GLI3: variants seen among roughly 807,000 people sequenced by gnomAD.
The protein encoded by GLI3 is GLI family zinc finger 3, also known as transcription activator GLI3.
In GLI3, 20 loss-of-function variants were observed where a neutral mutation model predicts 100.8. The ratio of observed to expected loss-of-function variants is 0.20; its 90% CI spans 0.14 to 0.29. The LOEUF (loss-of-function observed/expected upper bound fraction) is 0.29, where lower values mean the gene tolerates loss of function less well. Among genes scored for constraint, GLI3 ranks in the 10% least tolerant of loss-of-function variants. The pLI is 1.00. For missense variants in GLI3, 2,040 were observed against 2,128.5 expected (o/e 0.96, Z 0.82); for synonymous variants, 938 against 860.5 (o/e 1.09, Z -1.58).
chr7:42,146,704 A>T (rs1474148256), intron 3 of GLI3, among the ~76,000 whole-genome samples: 3 of 152,218 alleles, frequency 2.0e-5, no homozygotes, highest in African/African-American at 7.2e-5. Context: ...GGGGTCTATA[A>T]ATACAGGTAG....
chr7:42,263,389 T>C (rs1346214341), intron 1 of GLI3, among the ~76,000 whole-genome samples: 1 of 152,188 alleles, frequency 6.6e-6, no homozygotes, highest in Admixed American at 6.5e-5. Flanking sequence ...GGTCAATGTG[T>C]ACATTCTTGC....
intron 3 of GLI3, among the ~76,000 whole-genome samples, chr7:42,117,444 G>T (rs1785887918): frequency 6.6e-6 from 1 of 152,148 alleles, no homozygotes; most frequent in African/African-American, 2.4e-5. Flanking sequence ...GAACAGTTTT[G>T]AGAATGACAA....
At chr7:42,049,537 C>T (rs1416251483) in intron 4 of GLI3, among the ~76,000 whole-genome samples, 2 of 152,110 alleles carry the variant, frequency 1.3e-5, no homozygotes, top group African/African-American at 4.8e-5. Flanking sequence ...GCCCTTGCGT[C>T]GGTTATAATG....
chr7:42,149,252 T>C (rs1443685978), intron 2 of GLI3, among the ~76,000 whole-genome samples: 1 of 152,206 alleles, frequency 6.6e-6, no homozygotes, highest in African/African-American at 2.4e-5. Flanking sequence ...GGGATGTTGA[T>C]ATGTGTCCAT....
intron 3 of GLI3, chr7:42,113,307 C>T (rs1434506353): frequency 1.5e-5 from 9 of 606,558 alleles, no homozygotes; most frequent in Non-Finnish European, 2.8e-5. Flanking sequence ...CCGACCAAAG[C>T]CCGCACACCA....
Position 41,965,478 on chromosome 7 carries a change from C to T in GLI3, c.3595G>A (p.Val1199Ile), listed in dbSNP as rs1645389605. 3.1e-6 allele frequency: 5 copies of T among 1,608,996 alleles called. No homozygotes were observed. The highest frequency in any genetic ancestry group is 4.2e-6 in the Non-Finnish European group (5 of 1,177,134). The change falls in exon 15 of 15, where the codon GTC (valine) becomes ATC (isoleucine). Residue 1199 changes from valine (V) to isoleucine (I), a missense_variant. Coordinates refer to ENST00000395925, the MANE Select transcript of GLI3 (RefSeq NM_000168.6). ...RAFGFCNGMV[V>I]HPQNPLRSGP... Reference sequence around the variant, plus strand: ...CTCCTCAAGGGGTTCTGCGGGTGGACGACCATGCCGTTGCAGAACCCAAAG... The same window carrying T: ...CTCCTCAAGGGGTTCTGCGGGTGGATGACCATGCCGTTGCAGAACCCAAAG...
chr7:42,150,633 C>A (rs376927790), intron 2 of GLI3, among the ~76,000 whole-genome samples: 1 of 152,184 alleles, frequency 6.6e-6, no homozygotes, highest in South Asian at 2.1e-4. Context: ...GGCTCTGACA[C>A]ATAATTAGCA....
intron 3 of GLI3, among the ~76,000 whole-genome samples, chr7:42,103,887 C>A (rs990484715): frequency 2.0e-5 from 3 of 152,116 alleles, no homozygotes; most frequent in Non-Finnish European, 4.4e-5. Flanking sequence ...TAATGCATTA[C>A]CATGAACCAT....
intron 1 of GLI3, among the ~76,000 whole-genome samples, chr7:42,252,289 A>G (rs1789041026): frequency 1.3e-5 from 2 of 152,202 alleles, no homozygotes; most frequent in Admixed American, 1.3e-4. Context: ...GGAGCTAAAC[A>G]GTGAGAACCA....
At chr7:42,218,198 T>C (rs1788414197) in intron 2 of GLI3, among the ~76,000 whole-genome samples, 1 of 152,112 alleles carries the variant, frequency 6.6e-6, no homozygotes, top group Non-Finnish European at 1.5e-5. Flanking sequence ...GTTGGACCTC[T>C]ATAGAAACAA....
chr7:42,053,416 G>A (rs1784391797), intron 4 of GLI3, among the ~76,000 whole-genome samples: 1 of 152,188 alleles, frequency 6.6e-6, no homozygotes, highest in Non-Finnish European at 1.5e-5. Context: ...GACCAGAGGA[G>A]GGCTGAATTC....
intron 2 of GLI3, 117 bp from the exon 3 acceptor site, chr7:42,148,585 C>A: frequency 1.0e-6 from 1 of 996,174 alleles, no homozygotes; most frequent in South Asian, 1.4e-5. Flanking sequence ...GTATCTTTCT[C>A]ATTCACAGCA....
chr7:42,033,085 G>T (rs994524404), intron 7 of GLI3, among the ~76,000 whole-genome samples: 1 of 152,188 alleles, frequency 6.6e-6, no homozygotes, highest in Admixed American at 6.5e-5. Flanking sequence ...CAATGACCCA[G>T]CGCGGTGTGC....
intron 10 of GLI3, among the ~76,000 whole-genome samples, chr7:42,018,646 T>A (rs1459775717): frequency 6.6e-6 from 1 of 152,200 alleles, no homozygotes; most frequent in Non-Finnish European, 1.5e-5. Flanking sequence ...ATGCTGCTGA[T>A]GTATAGAATT....
At chr7:42,079,028 C>T (rs1393116336) in intron 3 of GLI3, among the ~76,000 whole-genome samples, 1 of 152,120 alleles carries the variant, frequency 6.6e-6, no homozygotes, top group Non-Finnish European at 1.5e-5. Flanking sequence ...CGCGCCCGGC[C>T]TCATTTATCA....
intron 2 of GLI3, among the ~76,000 whole-genome samples, chr7:42,159,097 T>C (rs1385577142): frequency 1.3e-5 from 2 of 152,166 alleles, no homozygotes; most frequent in Non-Finnish European, 2.9e-5. Context: ...TCTATAGGGT[T>C]TCCAGGTTCT....
At chr7:42,124,284 C>T (rs930344618) in intron 3 of GLI3, among the ~76,000 whole-genome samples, 7 of 152,190 alleles carry the variant, frequency 4.6e-5, no homozygotes, top group African/African-American at 1.7e-4. Flanking sequence ...ACTAAACTGA[C>T]TACAGGAGCT....
intron 3 of GLI3, among the ~76,000 whole-genome samples, chr7:42,114,071 A>G (rs1785785276): frequency 6.6e-6 from 1 of 152,226 alleles, no homozygotes. Flanking sequence ...CACAATCTGG[A>G]CTTTCCAGTG....
At chr7:42,226,837 A>G (rs1788590221) in intron 1 of GLI3, among the ~76,000 whole-genome samples, 1 of 152,328 alleles carries the variant, frequency 6.6e-6, no homozygotes, top group Admixed American at 6.5e-5. Context: ...GTGAAGAGTC[A>G]GTGAGCGGCA....
Sources: allele counts gnomAD v4.1 joint callset (sites outside exome capture counted in the v4.1 genomes callset), GRCh38; gene constraint gnomAD v4.1.1; transcripts MANE v1.5; gene names NCBI Gene and HGNC (gene_info 2026-07-23, HGNC 2026-07-21).